HIRA: variants seen among roughly 807,000 people sequenced by gnomAD.
HIRA encodes protein HIRA.
HIRA carries 13 observed loss-of-function variants against 126.6 expected under a neutral mutation model. That is an observed-to-expected ratio of 0.10 (90% CI 0.07 to 0.16). HIRA has a LOEUF of 0.16. Ranked by LOEUF, HIRA falls within the 10% of genes least tolerant of loss-of-function variation. The pLI is 1.00. For synonymous variants in HIRA, 511 were observed against 520.0 expected (o/e 0.98, Z 0.24); for missense variants, 834 against 1,314.4 (o/e 0.63, Z 5.65).
intron 1 of HIRA, among the ~76,000 whole-genome samples, chr22:19,426,194 T>G (rs1348308824): frequency 6.6e-6 from 1 of 152,142 alleles, no homozygotes; most frequent in Non-Finnish European, 1.5e-5. Context: ...TCACCAAGAC[T>G]AGAAATTCCT....
chr22:19,359,503 CG>C lies in HIRA; in HGVS notation c.2086-20del. 6.3e-7 allele frequency: 1 copy of C among 1,583,058 alleles called. No individual in the cohort carries two copies. The highest frequency in any genetic ancestry group is 1.2e-5 in the South Asian group (1 of 86,708). ...AGCTGACCTGGATGAAGTAAACACA[CG>C]GGTCTGCTCAGACAAGGGCCGCAGC... On this transcript the variant is annotated intron_variant, in intron 17 of 24. Coordinates refer to ENST00000263208, the MANE Select transcript of HIRA (RefSeq NM_003325.4).
chr22:19,391,948 G>A (rs1023664894), intron 9 of HIRA, among the ~76,000 whole-genome samples, 153 bp downstream of exon 9: 1 of 152,168 alleles, frequency 6.6e-6, no homozygotes, highest in African/African-American at 2.4e-5. Flanking sequence ...GGGAGAGCAG[G>A]AGAGCCTGTG....
chr22:19,391,985 G>C, intron 9 of HIRA, 116 bp downstream of exon 9: 1 of 517,002 alleles, frequency 1.9e-6, no homozygotes, highest in South Asian at 3.8e-5. Context: ...CTGACCCCAG[G>C]TGCAGAATAG....
intron 23 of HIRA, among the ~76,000 whole-genome samples, chr22:19,352,846 T>A (rs111802528): frequency 6.6e-6 from 1 of 152,298 alleles, no homozygotes; most frequent in East Asian, 1.9e-4. Context: ...GTGAGGACAG[T>A]GCAGCCACCT....
At chr22:19,382,766 TCTTTC>T (rs2089086165) in intron 13 of HIRA, among the ~76,000 whole-genome samples, 1 of 141,562 alleles carries the variant, frequency 7.1e-6, no homozygotes, top group Non-Finnish European at 1.5e-5. Context: ...TTATCATTTT[TCTTTC>T]TTTTTTTTTT....
At chr22:19,350,747 C>T (rs1287805042) in intron 24 of HIRA, among the ~76,000 whole-genome samples, 2 of 152,184 alleles carry the variant, frequency 1.3e-5, no homozygotes, top group Admixed American at 6.5e-5. Flanking sequence ...TGCCTCATTT[C>T]ACACCACCCT....
In HIRA at chr22:19,383,652, G is replaced by A. The variant is rs747109802; in HGVS notation, c.1383C>T (p.Ile461=). 2 of 1,614,122 alleles carry A rather than the reference G, an allele frequency of 1.2e-6. No individual in the cohort carries two copies. The highest frequency in any genetic ancestry group is 2.2e-5 in the South Asian group (2 of 91,084). Residue 461 remains isoleucine (I), a synonymous_variant, in exon 13 of 25, where the codon ATC becomes ATT. Coordinates refer to ENST00000263208, the MANE Select transcript of HIRA (RefSeq NM_003325.4). ...ETRTADGRRR[I]TPLCIAQLDT... is the part of the protein sequence containing the mutation. ...CCAGCTGTGCTATGCAGAGAGGCGT[G>A]ATTCTTCTCCGGCCATCTGCTGTCC...
chr22:19,351,919 C>T lies in HIRA; in HGVS notation c.2849-473G>A, dbSNP rs1393352988. Among the ~76,000 whole-genome samples the T allele has an allele frequency of 6.6e-6, 1 of 151,876 alleles. No individual in the cohort carries two copies. The highest frequency in any genetic ancestry group is 1.5e-5 in the Non-Finnish European group (1 of 67,986). Reference sequence around the variant, plus strand: ...GCAACTGAGTGGAGGGGGCATAGGTCCATTAACTCAAGGGTTATGGGCACC... The same window carrying T: ...GCAACTGAGTGGAGGGGGCATAGGTTCATTAACTCAAGGGTTATGGGCACC... On this transcript the variant is annotated intron_variant, in intron 23 of 24. Coordinates refer to ENST00000263208, the MANE Select transcript of HIRA (RefSeq NM_003325.4). This position sits in a 1 kb window ranked among gnomAD's most constrained non-coding sequence, Gnocchi z 4.8.
chr22:19,341,919 A>AGC (rs1349431260), intron 24 of HIRA, among the ~76,000 whole-genome samples: 2 of 152,252 alleles, frequency 1.3e-5, no homozygotes, highest in Non-Finnish European at 2.9e-5. Context: ...CGAACCCAAA[A>AGC]GCAAATGCAA....
intron 24 of HIRA, among the ~76,000 whole-genome samples, chr22:19,339,506 G>A (rs1299771289): frequency 4.6e-5 from 7 of 152,048 alleles, no homozygotes; most frequent in Admixed American, 6.6e-5. Context: ...GTGTGGTGAC[G>A]CATGCCTGTA....
In HIRA at chr22:19,387,807, A is replaced by C; in HGVS notation, c.1017T>G (p.Asn339Lys). Residue 339 changes from asparagine (N) to lysine (K), a missense_variant, in exon 11 of 25, where the codon AAT (asparagine) becomes AAG (lysine). This residue lies in a region of HIRA where 153 missense variants were observed against 270.6 expected (regional missense o/e 0.57). Coordinates refer to ENST00000263208, the MANE Select transcript of HIRA (RefSeq NM_003325.4). ...TAGAGCATACCAAGATGCCCAGCCCATTCAGAGTCCTGAAAGACATGGCCA... is the reference window on the plus strand; with the variant it reads ...TAGAGCATACCAAGATGCCCAGCCCCTTCAGAGTCCTGAAAGACATGGCCA... Reference protein sequence around the residue: ...KSIMDISWTLNGLGILVCSMD... With the variant: ...KSIMDISWTLKGLGILVCSMD... 6.2e-7 allele frequency: 1 copy of C among 1,612,150 alleles called. No homozygotes were observed. The highest frequency in any genetic ancestry group is 8.5e-7 in the Non-Finnish European group (1 of 1,179,184).
rs544145700 is a variant in HIRA, at chr22:19,400,911, C to T, written c.398-2824G>A. Among the ~76,000 whole-genome samples the T allele has an allele frequency of 2.4e-4, 36 of 152,222 alleles. 1 individual carries two copies. The South Asian group carries it at 5.6e-3, about 24-fold the overall frequency. On this transcript the variant is annotated intron_variant, in intron 5 of 24. Coordinates refer to ENST00000263208, the MANE Select transcript of HIRA (RefSeq NM_003325.4). ...CTTCCCACAGGCCAACCATCAGCCC[C>T]GTGCTCCTAGCTCACCCTCAGCTCC...
intron 15 of HIRA, among the ~76,000 whole-genome samples, chr22:19,363,640 G>A (rs1351874637): frequency 6.6e-6 from 1 of 152,160 alleles, no homozygotes; most frequent in Non-Finnish European, 1.5e-5. Flanking sequence ...GCTCTTTCCT[G>A]TAATTCCTAC....
At chr22:19,399,089 G>A (rs976442314) in intron 5 of HIRA, 14 of 981,350 alleles carry the variant, frequency 1.4e-5, no homozygotes, top group Non-Finnish European at 1.7e-5. Flanking sequence ...CCAAGGCATC[G>A]ATGAGGGTCC....
At position 19,379,818 on chromosome 22, in the gene HIRA, CT is replaced by C. The variant is rs199934707; in HGVS notation, c.1416-1753del. On this transcript the variant is annotated intron_variant, in intron 13 of 24. Coordinates refer to ENST00000263208, the MANE Select transcript of HIRA (RefSeq NM_003325.4). Reference sequence around the variant, plus strand: ...ATGTTGTGTTTCAACTATTTATGGCCTTTTTTTTTGAGACGAAGTCTCGCTG... The same window carrying C: ...ATGTTGTGTTTCAACTATTTATGGCCTTTTTTTTGAGACGAAGTCTCGCTG... 8.0e-4 allele frequency among the ~76,000 whole-genome samples: 120 copies of C among 150,488 alleles called. No homozygotes were observed. In the Middle Eastern group the frequency reaches 0.01, roughly 13 times the overall value.
intron 24 of HIRA, among the ~76,000 whole-genome samples, chr22:19,348,645 G>A (rs556396817): frequency 7.2e-5 from 11 of 151,900 alleles, no homozygotes; most frequent in African/African-American, 1.7e-4. Flanking sequence ...ACAGGTGCCC[G>A]CCACCATGCC....
chr22:19,362,043 G>A, intron 15 of HIRA, 112 bp from the exon 16 acceptor site: 1 of 995,786 alleles, frequency 1.0e-6, no homozygotes, highest in South Asian at 1.6e-5. Context: ...AGAATTCTGT[G>A]TCCAGTGAAA....
rs546423416 is a variant in HIRA, at chr22:19,426,238, G to A, written c.37+5202C>T. ...TAGGGCCTGCCTAAGACACAGGTTG[G>A]GTGTTTCATCCAGCTTCCTCAGAAG... is the stretch of plus-strand genomic sequence containing the variant. On this transcript the variant is annotated intron_variant, in intron 1 of 24. Coordinates refer to ENST00000263208, the MANE Select transcript of HIRA (RefSeq NM_003325.4). 1.1e-4 allele frequency among the ~76,000 whole-genome samples: 17 copies of A among 152,128 alleles called. No homozygotes were observed. The East Asian group carries it at 2.7e-3, about 24-fold the overall frequency.
At position 19,404,999 on chromosome 22, in the gene HIRA, C is replaced by CT. The variant is rs1309275899; in HGVS notation, c.397+786dup. Among the ~76,000 whole-genome samples, 3 of 152,288 alleles carry CT rather than the reference C, an allele frequency of 2.0e-5. No homozygotes were observed. In the South Asian group the frequency reaches 6.2e-4, roughly 32 times the overall value. On this transcript the variant is annotated intron_variant, in intron 5 of 24. Transcript: ENST00000263208. ...ATGACCTCTCTGTTGTGCTTCAAAG[C>CT]TTTTAGTGGCTCCCTATCTCTTCCA...
Sources: allele counts gnomAD v4.1 joint callset (sites outside exome capture counted in the v4.1 genomes callset), GRCh38; gene constraint gnomAD v4.1.1; regional missense constraint gnomAD v4.1.1; non-coding constraint Gnocchi (gnomAD v3.1); transcripts MANE v1.5; gene names NCBI Gene and HGNC (gene_info 2026-07-23, HGNC 2026-07-21).